The following DCHS2 variants were observed in gnomAD, a reference collection of about 807,000 sequenced individuals.
The protein encoded by DCHS2 is protocadherin-23.
DCHS2 carries 142 observed loss-of-function variants against 182.4 expected under a neutral mutation model. The observed-to-expected ratio is 0.78, with a 90% confidence interval of 0.68 to 0.89. The LOEUF (loss-of-function observed/expected upper bound fraction) is 0.89. Ranked by LOEUF, DCHS2 falls within the 40% of genes least tolerant of loss-of-function variation. DCHS2 has a pLI of 0.00. For missense variants in DCHS2, 4,319 were observed against 4,198.6 expected (o/e 1.03, Z -0.79); for synonymous variants, 1,740 against 1,663.3 (o/e 1.05, Z -1.12).
chr4:154,378,447 G>GGGAAGGAA (rs201958929), intron 1 of DCHS2, among the ~76,000 whole-genome samples: 3 of 138,922 alleles, frequency 2.2e-5, no homozygotes, highest in Non-Finnish European at 4.7e-5. Flanking sequence ...AAGAGGAGGA[G>GGGAAGGAA]GGAAGGAAGG....
At chr4:154,295,595 T>C (rs375937002) in intron 13 of DCHS2, among the ~76,000 whole-genome samples, 8 of 152,334 alleles carry the variant, frequency 5.3e-5, no homozygotes, top group African/African-American at 1.9e-4. Flanking sequence ...ATAATTGTTA[T>C]GTAACAACTG....
intron 1 of DCHS2, among the ~76,000 whole-genome samples, chr4:154,488,626 G>T (rs1422257602): frequency 6.6e-6 from 1 of 152,082 alleles, no homozygotes; most frequent in Non-Finnish European, 1.5e-5. Flanking sequence ...GACATTGCTG[G>T]GCGTGGTGGC....
chr4:154,486,548 C>G lies in DCHS2; in HGVS notation c.2052+2756G>C, dbSNP rs761289905. 4 of 1,302,290 alleles carry G rather than the reference C, an allele frequency of 3.1e-6. No homozygotes were observed. The Admixed American group carries it at 9.2e-5, about 30-fold the overall frequency. The allele number at this position is 1,302,290 out of a possible 1,614,324, so 80.7% of individuals were successfully genotyped here. A position where few individuals can be genotyped will look rare whatever the true frequency, so the allele number is the denominator to read the frequency against. On this transcript the variant is annotated intron_variant, in intron 1 of 19. Coordinates refer to ENST00000357232, the MANE Select transcript of DCHS2 (RefSeq NM_001358235.2). ...GTAAAAGAGGAAAACTTGTAGATGG[C>G]AACAGAAAGAAGGTACAGTTACAAG...
chr4:154,327,233 C>A (rs545903371), intron 7 of DCHS2, among the ~76,000 whole-genome samples: 1 of 152,072 alleles, frequency 6.6e-6, no homozygotes, highest in Non-Finnish European at 1.5e-5. Flanking sequence ...AGTAAAACAC[C>A]GCAAAACTTA....
At chr4:154,243,057 C>A (rs1731903265) in intron 16 of DCHS2, among the ~76,000 whole-genome samples, 1 of 152,142 alleles carries the variant, frequency 6.6e-6, no homozygotes, top group Admixed American at 6.6e-5. Flanking sequence ...CTGTAAAATT[C>A]AATCCTGTCC....
intron 2 of DCHS2, among the ~76,000 whole-genome samples, chr4:154,373,453 T>A (rs1020820333): frequency 2.0e-5 from 3 of 152,216 alleles, no homozygotes; most frequent in African/African-American, 7.2e-5. Context: ...ACATACTATA[T>A]GTGTATACAT....
rs771684791 is a variant in DCHS2 at position 154,239,152 on chromosome 4, C to G, written c.7492+18G>C. On this transcript the variant is annotated intron_variant, in intron 19 of 19. Transcript: ENST00000357232. ...AAACCCAAACCTATGAGCATTAATG[C>G]AATTATAAATAACTCACCATTCTTA... The G allele has an allele frequency of 6.2e-7, 1 of 1,604,982 alleles. No individual in the cohort carries two copies. The highest frequency in any genetic ancestry group is 1.7e-4 in the Middle Eastern group (1 of 5,948).
chr4:154,240,528 G>A lies in DCHS2; in HGVS notation c.7359+9C>T, dbSNP rs376765159. 28 of 1,611,868 alleles carry A rather than the reference G, an allele frequency of 1.7e-5. No individual in the cohort carries two copies. The highest frequency in any genetic ancestry group is 3.3e-5 in the Admixed American group (2 of 59,862). ...GGCTTTGGTTTCGGCATCTCTTTAAGCCCTTTACCTGATAGAAATCTTGAG... is the reference window on the plus strand; with the variant it reads ...GGCTTTGGTTTCGGCATCTCTTTAAACCCTTTACCTGATAGAAATCTTGAG... On this transcript the variant is annotated intron_variant, in intron 18 of 19. Transcript: ENST00000357232.
chr4:154,332,592 G>T lies in DCHS2; in HGVS notation c.3616C>A (p.Pro1206Thr), dbSNP rs1460399371. Residue 1206 changes from proline (P) to threonine (T), a missense_variant, in exon 5 of 20, where the codon CCC becomes ACC. Transcript: ENST00000357232. ...GTAATTTTGCCTATTACCCCTTGGG[G>T]AACAGGGCTCTCTTCGACTTTCAAA... ...LFLKVEESPV[P>T]QGVIGKITAI... 1 of 1,614,160 alleles carries T rather than the reference G, an allele frequency of 6.2e-7. No homozygotes were observed. Among genetic ancestry groups the T allele is most frequent in the East Asian group, 2.2e-5 (1 of 44,872 alleles).
chr4:154,335,253 T>C (rs1728741024), intron 3 of DCHS2, 149 bp from the exon 4 acceptor site: 1 of 637,664 alleles, frequency 1.6e-6, no homozygotes, highest in Admixed American at 2.5e-5. Context: ...GATCAAACAT[T>C]ATTTTGAGTG....
At chr4:154,271,835 C>T (rs1246801679) in intron 13 of DCHS2, among the ~76,000 whole-genome samples, 2 of 152,056 alleles carry the variant, frequency 1.3e-5, no homozygotes, top group African/African-American at 2.4e-5. Context: ...AAAATATATA[C>T]ACTGTGTAAT....
chr4:154,404,868 T>C (rs187477856), intron 1 of DCHS2, among the ~76,000 whole-genome samples: 131 of 152,358 alleles, frequency 8.6e-4, no homozygotes, highest in Non-Finnish European at 2.9e-4. Flanking sequence ...AGGTAGTGTA[T>C]TTGCTAACCT....
intron 1 of DCHS2, among the ~76,000 whole-genome samples, chr4:154,390,502 TCACA>T (rs377605285): frequency 2.7e-5 from 4 of 148,334 alleles, no homozygotes; most frequent in Admixed American, 1.3e-4. Flanking sequence ...ACTAAGTCAT[TCACA>T]CACACACACA....
chr4:154,435,146 CAGAGA>C (rs1733723431), intron 1 of DCHS2, among the ~76,000 whole-genome samples: 1 of 152,178 alleles, frequency 6.6e-6, no homozygotes. Flanking sequence ...GAGGGGTACA[CAGAGA>C]ATCTGTACTA....
chr4:154,433,631 T>C lies in DCHS2; in HGVS notation c.2052+55673A>G, dbSNP rs1197026597. Among the ~76,000 whole-genome samples, 4 of 152,120 alleles carry C rather than the reference T, an allele frequency of 2.6e-5. No individual in the cohort carries two copies. The South Asian group carries it at 6.2e-4, about 24-fold the overall frequency. Reference sequence around the variant, plus strand: ...GATGGTCTATGATCTCTTGACCTCTTGATCTGCCTGCCTCAGCCTCCCAAA... The same window carrying C: ...GATGGTCTATGATCTCTTGACCTCTCGATCTGCCTGCCTCAGCCTCCCAAA... On this transcript the variant is annotated intron_variant, in intron 1 of 19. Coordinates refer to ENST00000357232, the MANE Select transcript of DCHS2 (RefSeq NM_001358235.2).
chr4:154,467,949 C>A (rs1029977348), intron 1 of DCHS2, among the ~76,000 whole-genome samples: 1 of 152,124 alleles, frequency 6.6e-6, no homozygotes, highest in Admixed American at 6.6e-5. Context: ...AAGATACATG[C>A]ACATTTAGTC....
chr4:154,242,927 T>C (rs992617504), intron 16 of DCHS2, among the ~76,000 whole-genome samples, 155 bp from the exon 17 acceptor site: 2 of 152,214 alleles, frequency 1.3e-5, no homozygotes, highest in Admixed American at 6.5e-5. Flanking sequence ...TTAAAATGTA[T>C]TTCATAAGAA....
At chr4:154,309,028 G>A (rs1287056326) in intron 10 of DCHS2, among the ~76,000 whole-genome samples, 2 of 152,114 alleles carry the variant, frequency 1.3e-5, no homozygotes, top group African/African-American at 4.8e-5. Context: ...ATATGATGTG[G>A]GCTCTGCATA....
intron 13 of DCHS2, among the ~76,000 whole-genome samples, chr4:154,278,858 A>G (rs2404900): frequency 0.02 from 3,099 of 152,198 alleles, 101 homozygotes; most frequent in African/African-American, 0.071. Flanking sequence ...AGTCTATTAA[A>G]CCTGCCTTAC....
Sources: allele counts gnomAD v4.1 joint callset (sites outside exome capture counted in the v4.1 genomes callset), GRCh38; gene constraint gnomAD v4.1.1; transcripts MANE v1.5; gene names NCBI Gene and HGNC (gene_info 2026-07-23, HGNC 2026-07-21).